GPHN: variants seen among roughly 807,000 people sequenced by gnomAD.
GPHN encodes the protein gephyrin.
A neutral mutation model predicts 95.5 loss-of-function variants in GPHN; 17 were observed. The observed-to-expected ratio is 0.18, with a 90% confidence interval of 0.12 to 0.27. The LOEUF (loss-of-function observed/expected upper bound fraction) is 0.27, where lower values mean the gene tolerates loss of function less well. Ranked by LOEUF, GPHN falls within the 10% of genes least tolerant of loss-of-function variation. The pLI is 1.00. For synonymous variants in GPHN, 320 were observed against 322.5 expected (o/e 0.99, Z 0.08); for missense variants, 660 against 978.1 (o/e 0.67, Z 4.34).
At chr14:67,077,665 T>C (rs1410788061) in intron 11 of GPHN, among the ~76,000 whole-genome samples, 2 of 152,184 alleles carry the variant, frequency 1.3e-5, no homozygotes, top group Non-Finnish European at 2.9e-5. Context: ...TAAAGATACC[T>C]TAGGCCAGTC....
intron 2 of GPHN, among the ~76,000 whole-genome samples, chr14:66,700,294 T>C (rs187320228): frequency 6.6e-6 from 1 of 152,288 alleles, no homozygotes; most frequent in Non-Finnish European, 1.5e-5. Flanking sequence ...ACTAGAAATT[T>C]AACGAATATT....
At chr14:67,683,539 T>G in the GPHN span, among the ~76,000 whole-genome samples, 19,062 of 152,230 alleles carry the variant, frequency 0.13, 1,227 homozygotes, top group Admixed American at 0.14. Flanking sequence ...GATTTCCTTC[T>G]GCAGAATCAC....
chr14:67,302,048 A>G, the GPHN span: 4 of 1,610,354 alleles, frequency 2.5e-6, no homozygotes, highest in Non-Finnish European at 2.5e-6. Flanking sequence ...AGAGTTTATG[A>G]AAGTATTGGC....
chr14:66,598,836 C>T (rs1162637396), intron 1 of GPHN, among the ~76,000 whole-genome samples: 2 of 118,418 alleles, frequency 1.7e-5, no homozygotes, highest in Non-Finnish European at 3.2e-5. Flanking sequence ...GAGACTCTGT[C>T]TCAAAAAAAA....
intron 9 of GPHN, among the ~76,000 whole-genome samples, chr14:67,015,232 G>A (rs1052265655): frequency 7.9e-5 from 12 of 152,178 alleles, no homozygotes; most frequent in African/African-American, 2.9e-4. Flanking sequence ...TGAAAAGGAA[G>A]TGTTTTTCAC....
At chr14:66,569,060 A>G in intron 1 of GPHN, among the ~76,000 whole-genome samples, 1 of 151,566 alleles carries the variant, frequency 6.6e-6, no homozygotes, top group East Asian at 1.9e-4. Context: ...AATAGTATAT[A>G]TTTTTATATT....
At chr14:66,748,576 A>G (rs983255261) in intron 2 of GPHN, among the ~76,000 whole-genome samples, 2 of 151,954 alleles carry the variant, frequency 1.3e-5, no homozygotes, top group African/African-American at 4.8e-5. Context: ...GGTGTTGTAT[A>G]TTCCATGGGT....
intron 8 of GPHN, among the ~76,000 whole-genome samples, chr14:66,964,527 A>G (rs2069177885): frequency 6.6e-6 from 1 of 152,230 alleles, no homozygotes; most frequent in Admixed American, 6.5e-5. Context: ...GATTAGTAAC[A>G]GTGGGAACCA....
the GPHN span, among the ~76,000 whole-genome samples, chr14:67,292,212 TTGG>T: frequency 6.6e-6 from 1 of 152,176 alleles, no homozygotes; most frequent in Non-Finnish European, 1.5e-5. Flanking sequence ...GATGGGATTA[TTGG>T]TGGTTTTAAA....
At chr14:67,339,589 T>C in the GPHN span, among the ~76,000 whole-genome samples, 19 of 152,322 alleles carry the variant, frequency 1.2e-4, no homozygotes, top group East Asian at 3.7e-3. Context: ...TGACTCTAAA[T>C]GTTCATAACC....
At chr14:66,866,257 A>G (rs1227718039) in intron 4 of GPHN, among the ~76,000 whole-genome samples, 1 of 152,098 alleles carries the variant, frequency 6.6e-6, no homozygotes, top group Admixed American at 6.6e-5. Flanking sequence ...AACAGGAATG[A>G]GTAACTCTTT....
At chr14:67,177,390 G>T (rs1032207712) in intron 21 of GPHN, among the ~76,000 whole-genome samples, 1 of 152,184 alleles carries the variant, frequency 6.6e-6, no homozygotes, top group Non-Finnish European at 1.5e-5. Context: ...GTGTGGTTTT[G>T]AGTAAGTTTC....
At chr14:67,302,136 T>A in the GPHN span, 2 of 1,581,372 alleles carry the variant, frequency 1.3e-6, no homozygotes, top group African/African-American at 2.7e-5. Flanking sequence ...TCCCACATAC[T>A]GTTTTTAAAC....
intron 21 of GPHN, among the ~76,000 whole-genome samples, chr14:67,169,741 G>T (rs2082489698): frequency 2.6e-5 from 4 of 152,186 alleles, no homozygotes. Context: ...AAATATGGCA[G>T]AATGCTATGA....
the GPHN span, among the ~76,000 whole-genome samples, chr14:67,210,752 CCTGTAATCCCA>C: frequency 2.6e-5 from 4 of 152,050 alleles, no homozygotes; most frequent in Admixed American, 2.6e-4. Flanking sequence ...ATGGCTCAGA[CCTGTAATCCCA>C]GCACTTAGGG....
chr14:66,755,469 G>T (rs1320191698), intron 2 of GPHN, among the ~76,000 whole-genome samples: 1 of 152,014 alleles, frequency 6.6e-6, no homozygotes, highest in Non-Finnish European at 1.5e-5. Flanking sequence ...GTCATTTAAA[G>T]TGCACTCCTT....
At chr14:66,560,273 G>A (rs1378796343) in intron 1 of GPHN, among the ~76,000 whole-genome samples, 1 of 152,158 alleles carries the variant, frequency 6.6e-6, no homozygotes, top group African/African-American at 2.4e-5. Flanking sequence ...CCAATTCTGT[G>A]AAGAAAGTCA....
chr14:66,666,724 A>G (rs2065982695), intron 1 of GPHN, among the ~76,000 whole-genome samples: 1 of 152,204 alleles, frequency 6.6e-6, no homozygotes, highest in South Asian at 2.1e-4. Context: ...GAAAACCGGC[A>G]CAAGACAAGG....
intron 8 of GPHN, among the ~76,000 whole-genome samples, chr14:66,952,616 G>A (rs1188167624): frequency 6.6e-6 from 1 of 152,132 alleles, no homozygotes; most frequent in East Asian, 1.9e-4. Context: ...ATTATCCATA[G>A]AGCTGCATCA....
Sources: allele counts gnomAD v4.1 joint callset (sites outside exome capture counted in the v4.1 genomes callset), GRCh38; gene constraint gnomAD v4.1.1; transcripts MANE v1.5; gene names NCBI Gene and HGNC (gene_info 2026-07-23, HGNC 2026-07-21).